CAB39: variants seen among roughly 807,000 people sequenced by gnomAD.
CAB39 encodes calcium binding protein 39.
A neutral mutation model predicts 40.0 loss-of-function variants in CAB39; 8 were observed. The ratio of observed to expected loss-of-function variants is 0.20; its 90% CI spans 0.12 to 0.36. The LOEUF (loss-of-function observed/expected upper bound fraction) is 0.36. Among genes scored for constraint, CAB39 ranks in the 10% least tolerant of loss-of-function variants. The pLI, the probability that CAB39 is intolerant of heterozygous loss-of-function variation, is 1.00. For synonymous variants in CAB39, 156 were observed against 141.6 expected, an observed-to-expected ratio of 1.10 and a Z score of -0.72; for missense variants, 270 against 401.1, an observed-to-expected ratio of 0.67 and a Z score of 2.79.
At chr2:230,749,748 C>G (rs1695053783) in intron 1 of CAB39, among the ~76,000 whole-genome samples, 1 of 152,170 alleles carries the variant, frequency 6.6e-6, no homozygotes, top group South Asian at 2.1e-4. Context: ...TATTAAATAA[C>G]TATTCAGTGG....
chr2:230,743,891 A>G (rs1353735937), intron 1 of CAB39, among the ~76,000 whole-genome samples: 2 of 151,380 alleles, frequency 1.3e-5, no homozygotes, highest in Non-Finnish European at 2.9e-5. Context: ...AGAAGAATAA[A>G]GTCACAGAGC....
chr2:230,745,480 G>T (rs985350232), intron 1 of CAB39, among the ~76,000 whole-genome samples: 1 of 152,166 alleles, frequency 6.6e-6, no homozygotes, highest in Non-Finnish European at 1.5e-5. Context: ...CCGGAGACTT[G>T]GTTGGGACTG....
rs1197333925 is a variant in CAB39 at position 230,748,862 on chromosome 2, ATATAT to A, written c.-43-11096_-43-11092del. On this transcript the variant is annotated intron_variant, in intron 1 of 8. Transcript: ENST00000258418. ...TATATATATATATATATATATATAT[ATATAT>A]AACAAAATGGTAATTTTTTCCTATC... Among the ~76,000 whole-genome samples the A allele has an allele frequency of 4.3e-3, 556 of 127,862 alleles. 13 individuals are homozygous for A. The highest frequency in any genetic ancestry group is 0.011 in the Middle Eastern group (3 of 262). The allele number at this position is 127,862 out of a possible 152,430, so 83.9% of individuals were successfully genotyped here. A position where few individuals can be genotyped will look rare whatever the true frequency, so the allele number is the denominator to read the frequency against.
intron 1 of CAB39, among the ~76,000 whole-genome samples, chr2:230,726,186 G>A (rs967870030): frequency 2.0e-5 from 3 of 151,166 alleles, no homozygotes; most frequent in African/African-American, 4.9e-5. Context: ...TTTTTTAGAC[G>A]GAGTCTCTCT....
chr2:230,810,423 A>G lies in CAB39; in HGVS notation c.627+101A>G, dbSNP rs984375314. 5.3e-5 allele frequency: 26 copies of G among 492,476 alleles called. 1 individual carries two copies. The highest frequency in any genetic ancestry group is 2.5e-4 in the Admixed American group (6 of 24,454). 30.5% of individuals were successfully genotyped at this position (492,476 alleles called of 1,614,324 possible). On this transcript the variant is annotated intron_variant, in intron 6 of 8. Coordinates refer to ENST00000258418, the MANE Select transcript of CAB39 (RefSeq NM_016289.4). Reference sequence around the variant, plus strand: ...TTTTGTACTAGAATATTTATTTTGCATATGTAATGTTTATAAATGGTGCCG... The same window carrying G: ...TTTTGTACTAGAATATTTATTTTGCGTATGTAATGTTTATAAATGGTGCCG...
At chr2:230,723,139 TA>T (rs1168587252) in intron 1 of CAB39, among the ~76,000 whole-genome samples, 1 of 152,156 alleles carries the variant, frequency 6.6e-6, no homozygotes, top group Non-Finnish European at 1.5e-5. Context: ...TTTAATTCAT[TA>T]AAATAAAAAA....
intron 1 of CAB39, among the ~76,000 whole-genome samples, chr2:230,747,498 A>G (rs1301391735): frequency 6.6e-6 from 1 of 152,258 alleles, no homozygotes; most frequent in African/African-American, 2.4e-5. Flanking sequence ...TGTAGATTGG[A>G]ACAGTTAAGT....
Position 230,715,445 on chromosome 2 carries a change from A to G in CAB39, c.-44+2215A>G, listed in dbSNP as rs542063215. On this transcript the variant is annotated intron_variant, in intron 1 of 8. Coordinates refer to ENST00000258418, the MANE Select transcript of CAB39 (RefSeq NM_016289.4). ...GGAAGAAAGCACACAGATCTCTGCTATAGGAGTGAATGGACTTTTAAAGGG... is the reference window on the plus strand; with the variant it reads ...GGAAGAAAGCACACAGATCTCTGCTGTAGGAGTGAATGGACTTTTAAAGGG... 1.1e-4 allele frequency among the ~76,000 whole-genome samples: 16 copies of G among 152,334 alleles called. No individual in the cohort carries two copies. The South Asian group carries it at 1.7e-3, about 16-fold the overall frequency.
chr2:230,787,107 C>G (rs1695807098), intron 2 of CAB39, among the ~76,000 whole-genome samples: 2 of 152,034 alleles, frequency 1.3e-5, no homozygotes, highest in South Asian at 4.2e-4. Context: ...AAAGGTCAGA[C>G]CAAATAACTG....
At chr2:230,759,123 G>A (rs1186764114) in intron 1 of CAB39, among the ~76,000 whole-genome samples, 2 of 152,168 alleles carry the variant, frequency 1.3e-5, no homozygotes, top group Non-Finnish European at 2.9e-5. Flanking sequence ...TCTTTCATAG[G>A]AGATGGTCAA....
chr2:230,779,510 T>C (rs1695651336), intron 2 of CAB39: 1 of 152,218 alleles, frequency 6.6e-6, no homozygotes, highest in African/African-American at 2.4e-5. Context: ...TTCTTGACCA[T>C]GATCTATAAA....
At chr2:230,816,222 A>C (rs1490196326) in intron 7 of CAB39, among the ~76,000 whole-genome samples, 5 of 152,244 alleles carry the variant, frequency 3.3e-5, no homozygotes, top group Admixed American at 6.5e-5. Context: ...GCAGTGAGCC[A>C]AGATTGTGCC....
At chr2:230,723,064 A>G (rs755699198) in intron 1 of CAB39, among the ~76,000 whole-genome samples, 18 of 152,202 alleles carry the variant, frequency 1.2e-4, no homozygotes, top group Non-Finnish European at 2.2e-4. Flanking sequence ...AAAAATCTTT[A>G]TAAGCATGTA....
chr2:230,780,255 A>G (rs1364018951), intron 2 of CAB39, among the ~76,000 whole-genome samples: 1 of 152,214 alleles, frequency 6.6e-6, no homozygotes, highest in Non-Finnish European at 1.5e-5. Flanking sequence ...AACTTATCAG[A>G]CTTACAGAAT....
Position 230,818,980 on chromosome 2 carries a change from G to T in CAB39, c.*276G>T. 3.0e-6 allele frequency: 1 copy of T among 330,694 alleles called. No individual in the cohort carries two copies. Among genetic ancestry groups the T allele is most frequent in the South Asian group, 3.0e-5 (1 of 32,942 alleles). The allele number at this position is 330,694 out of a possible 1,614,324, so 20.5% of individuals were successfully genotyped here. ...TCTGAACATGGCTGGGTTCATGAAGGCAAATGTATGGATGAGAGTGTGGTT... is the reference window on the plus strand; with the variant it reads ...TCTGAACATGGCTGGGTTCATGAAGTCAAATGTATGGATGAGAGTGTGGTT... On this transcript the variant is annotated 3_prime_UTR_variant, in exon 9 of 9. Coordinates refer to ENST00000258418, the MANE Select transcript of CAB39 (RefSeq NM_016289.4).
At chr2:230,749,992 G>T (rs995534083) in intron 1 of CAB39, among the ~76,000 whole-genome samples, 1 of 152,228 alleles carries the variant, frequency 6.6e-6, no homozygotes, top group South Asian at 2.1e-4. Context: ...GAACAAACTA[G>T]CCAATAATTT....
chr2:230,783,442 AGTTTTGTTTTGTTTT>A (rs57684093), intron 2 of CAB39, among the ~76,000 whole-genome samples: 7,437 of 148,976 alleles, frequency 0.05, 233 homozygotes, highest in Non-Finnish European at 0.075. Flanking sequence ...GTTCTTGTCT[AGTTTTGTTTTGTTTT>A]GTTTTGTTTT....
At chr2:230,755,939 C>A (rs1418138178) in intron 1 of CAB39, among the ~76,000 whole-genome samples, 5 of 152,216 alleles carry the variant, frequency 3.3e-5, no homozygotes, top group African/African-American at 9.7e-5. Flanking sequence ...TTGTCAGTTT[C>A]AAAACTCAGA....
intron 4 of CAB39, 97 bp downstream of exon 4, chr2:230,793,428 C>T: frequency 1.9e-6 from 1 of 528,076 alleles, no homozygotes. Context: ...GAAGCATTTT[C>T]TCTGTAGTTA....
Sources: allele counts gnomAD v4.1 joint callset (sites outside exome capture counted in the v4.1 genomes callset), GRCh38; gene constraint gnomAD v4.1.1; transcripts MANE v1.5; gene names NCBI Gene and HGNC (gene_info 2026-07-23, HGNC 2026-07-21).